The following GRIA3 variants were observed in gnomAD, a reference collection of about 807,000 sequenced individuals.
The protein encoded by GRIA3 is glutamate ionotropic receptor AMPA type subunit 3, also known as glutamate receptor 3.
Under a neutral mutation model 63.0 loss-of-function variants are expected in GRIA3, and 3 were observed. That is an observed-to-expected ratio of 0.05 (90% CI 0.02 to 0.12). The LOEUF (loss-of-function observed/expected upper bound fraction) is 0.12. Among genes scored for constraint, GRIA3 ranks in the 10% least tolerant of loss-of-function variants. GRIA3 has a pLI of 1.00. For missense variants in GRIA3, 347 were observed against 700.9 expected, an observed-to-expected ratio of 0.50 and a Z score of 5.70; for synonymous variants, 274 against 257.9, an observed-to-expected ratio of 1.06 and a Z score of -0.60.
chrX:123,436,070 T>C (rs1219454528), intron 12 of GRIA3, among the ~76,000 whole-genome samples: 1 of 111,130 alleles, frequency 9.0e-6, no homozygotes, highest in Non-Finnish European at 1.9e-5. Context: ...AAATAGCTAA[T>C]GTATGCAGGG....
At position 123,311,841 on chromosome X, in the gene GRIA3, G is replaced by T. The variant is rs181276496; in HGVS notation, c.509-14185G>T. On this transcript the variant is annotated intron_variant, in intron 3 of 15. Transcript: ENST00000620443. ...CCTCCCTGCCATGGAGTAACACATA[G>T]AAAAATGTATGATTCCAACTTTCCT... is the stretch of plus-strand genomic sequence containing the variant. Among the ~76,000 whole-genome samples, 552 of 112,110 alleles carry T rather than the reference G, an allele frequency of 4.9e-3. 5 individuals are homozygous for T. The highest frequency in any genetic ancestry group is 0.017 in the African/African-American group (531 of 30,809).
In GRIA3 at chrX:123,422,477, C is replaced by T. The variant is rs189537214; in HGVS notation, c.1877+4699C>T. On this transcript the variant is annotated intron_variant, in intron 11 of 15. Coordinates refer to ENST00000620443, the MANE Select transcript of GRIA3 (RefSeq NM_007325.5). ...TATTAGGAGGAGTCGGTGGAAGGTA[C>T]GAGGAGATTCAATTCAACCTTTTTC... Among the ~76,000 whole-genome samples, 466 of 111,611 alleles carry T rather than the reference C, an allele frequency of 4.2e-3. 1 individual carries two copies. The highest frequency in any genetic ancestry group is 7.1e-3 in the Non-Finnish European group (377 of 53,062).
intron 5 of GRIA3, among the ~76,000 whole-genome samples, chrX:123,360,163 T>C (rs1427108311): frequency 9.0e-6 from 1 of 110,990 alleles, no homozygotes; most frequent in Non-Finnish European, 1.9e-5. Context: ...CAAAGTCTCA[T>C]AGCTAATCCA....
In GRIA3 at chrX:123,404,597, C is replaced by T. The variant is rs770816355; in HGVS notation, c.1294-111C>T. 523 of 536,961 alleles carry T rather than the reference C, an allele frequency of 9.7e-4. 3 individuals are homozygous for T. The highest frequency in any genetic ancestry group is 5.8e-3 in the Middle Eastern group (13 of 2,241). 44.3% of individuals were successfully genotyped at this position (536,961 alleles called of 1,213,427 possible). ...GTTTACTAAGTAACAATTTAAAGGC[C>T]TTTTTCACATACCAAACCTCAATAG... On this transcript the variant is annotated intron_variant, in intron 9 of 15. Coordinates refer to ENST00000620443, the MANE Select transcript of GRIA3 (RefSeq NM_007325.5).
chrX:123,419,910 A>C (rs1466215719), intron 11 of GRIA3, among the ~76,000 whole-genome samples: 5 of 111,459 alleles, frequency 4.5e-5, no homozygotes, highest in Non-Finnish European at 9.4e-5. Context: ...CGTTTACTAA[A>C]ATCACTGATC....
Position 123,219,488 on chromosome X carries a change from C to T in GRIA3, c.268+33498C>T, listed in dbSNP as rs533459263. Among the ~76,000 whole-genome samples the T allele has an allele frequency of 8.4e-4, 94 of 112,455 alleles. 2 individuals are homozygous for T. In the South Asian group the frequency reaches 0.034, roughly 41 times the overall value. ...ATGGGAAGGGCAATACCAATAAACA[C>T]ACCTCATTGAATCGATCTATAATGT... On this transcript the variant is annotated intron_variant, in intron 2 of 15. Coordinates refer to ENST00000620443, the MANE Select transcript of GRIA3 (RefSeq NM_007325.5).
chrX:123,438,158 T>C (rs1283647572), intron 12 of GRIA3, among the ~76,000 whole-genome samples: 2 of 112,013 alleles, frequency 1.8e-5, no homozygotes, highest in Non-Finnish European at 3.8e-5. Context: ...TCATTCCCTC[T>C]TCTCCCAGGT....
chrX:123,485,620 C>T (rs1367840286), intron 15 of GRIA3, among the ~76,000 whole-genome samples: 1 of 111,537 alleles, frequency 9.0e-6, no homozygotes, highest in African/African-American at 3.3e-5. Flanking sequence ...CTCCATATGC[C>T]CCATTCCTTA....
intron 5 of GRIA3, among the ~76,000 whole-genome samples, 156 bp from the exon 6 acceptor site, chrX:123,394,812 A>C (rs2045404693): frequency 8.9e-6 from 1 of 112,334 alleles, no homozygotes; most frequent in Non-Finnish European, 1.9e-5. Flanking sequence ...TCAGGGACAT[A>C]GTGCCCTAAC....
chrX:123,456,181 C>T (rs1006328094), intron 12 of GRIA3, among the ~76,000 whole-genome samples: 1 of 110,866 alleles, frequency 9.0e-6, no homozygotes, highest in Non-Finnish European at 1.9e-5. Flanking sequence ...TGGGGCACTA[C>T]TGGGCACACA....
At chrX:123,437,498 A>G (rs975042670) in intron 12 of GRIA3, among the ~76,000 whole-genome samples, 3 of 99,608 alleles carry the variant, frequency 3.0e-5, no homozygotes, top group Non-Finnish European at 6.1e-5. Flanking sequence ...AATCTGATGG[A>G]AAAGTATTCC....
intron 5 of GRIA3, among the ~76,000 whole-genome samples, chrX:123,360,403 C>T (rs184077507): frequency 2.6e-3 from 283 of 107,747 alleles, no homozygotes; most frequent in Non-Finnish European, 4.2e-3. Context: ...ACACGTTGGG[C>T]CGGGAGCGAT....
At chrX:123,368,295 C>T (rs923589575) in intron 5 of GRIA3, among the ~76,000 whole-genome samples, 1 of 111,557 alleles carries the variant, frequency 9.0e-6, no homozygotes, top group Non-Finnish European at 1.9e-5. Flanking sequence ...GGTAGCTTCA[C>T]GAATGGAGTC....
chrX:123,352,238 G>A (rs1174996816), intron 4 of GRIA3, among the ~76,000 whole-genome samples: 4 of 111,385 alleles, frequency 3.6e-5, no homozygotes, highest in African/African-American at 9.8e-5. Context: ...CTGCCACCAC[G>A]TCTGGCTAAT....
At chrX:123,231,905 A>T (rs1231744575) in intron 2 of GRIA3, among the ~76,000 whole-genome samples, 1 of 111,694 alleles carries the variant, frequency 9.0e-6, no homozygotes, top group African/African-American at 3.3e-5. Context: ...AGCCATCTGG[A>T]CCTATTAAAA....
At chrX:123,231,361 C>T (rs1448283275) in intron 2 of GRIA3, among the ~76,000 whole-genome samples, 2 of 111,032 alleles carry the variant, frequency 1.8e-5, no homozygotes, top group Non-Finnish European at 3.8e-5. Flanking sequence ...TATGGCCGCA[C>T]ATCTAGAAAA....
rs758870769 is a variant in GRIA3, at chrX:123,489,215, G to A, written c.*505G>A. ...TCTGTCTCCCAGTGTTTGGGAAGAC[G>A]GACTGGCATTTCTTCTAGGATCTGC... On this transcript the variant is annotated 3_prime_UTR_variant, in exon 16 of 16. Transcript: ENST00000620443. The A allele has an allele frequency of 1.8e-5, 2 of 111,894 alleles. No homozygotes were observed. Among genetic ancestry groups the A allele is most frequent in the African/African-American group, 6.5e-5 (2 of 30,730 alleles). 9.2% of individuals were successfully genotyped at this position (111,894 alleles called of 1,213,427 possible). A position where few individuals can be genotyped will look rare whatever the true frequency, so the allele number is the denominator to read the frequency against.
chrX:123,235,335 T>G (rs1374678741), intron 2 of GRIA3, among the ~76,000 whole-genome samples: 1 of 111,975 alleles, frequency 8.9e-6, no homozygotes, highest in Non-Finnish European at 1.9e-5. Context: ...TGAAAGTAAA[T>G]GTAGTACTCA....
chrX:123,457,575 C>T (rs2045769115), intron 12 of GRIA3, among the ~76,000 whole-genome samples: 1 of 112,178 alleles, frequency 8.9e-6, no homozygotes, highest in South Asian at 3.8e-4. Context: ...GTATCTTCCC[C>T]GACCTCTCCT....
Sources: gnomAD v4.1 joint callset for allele counts (sites outside exome capture counted in the v4.1 genomes callset) on GRCh38, gnomAD v4.1.1 for gene constraint, MANE v1.5 for transcripts, NCBI Gene and HGNC (gene_info 2026-07-23, HGNC 2026-07-21) for gene names.